RABEP2: variants seen among roughly 807,000 people sequenced by gnomAD.
RABEP2 encodes the protein rab GTPase-binding effector protein 2.
A neutral mutation model predicts 74.1 loss-of-function variants in RABEP2; 57 were observed. The ratio of observed to expected loss-of-function variants is 0.77; its 90% confidence interval spans 0.62 to 0.96. The LOEUF is 0.96. Among genes scored for constraint, RABEP2 ranks in the 40% least tolerant of loss-of-function variants. The pLI, the probability that RABEP2 is intolerant of heterozygous loss-of-function variation, is 0.00. For missense variants in RABEP2, 692 were observed against 756.3 expected (o/e 0.91, Z 1.00); for synonymous variants, 351 against 344.0 (o/e 1.02, Z -0.23).
rs193165927 is a variant in RABEP2 at position 28,906,267 on chromosome 16, C to T, written c.1246-71G>A. On this transcript the variant is annotated intron_variant, in intron 8 of 12. Coordinates refer to ENST00000358201, the MANE Select transcript of RABEP2 (RefSeq NM_024816.3). ...AGGAGGGCAGGGGCCACCAGCCAGA[C>T]GGGGATTGTCGGGAGGAACGGGGAA... 136 of 1,462,648 alleles carry T rather than the reference C, an allele frequency of 9.3e-5. No homozygotes were observed. In the Admixed American group the frequency reaches 1.4e-3, roughly 15 times the overall value. 90.6% of individuals were successfully genotyped at this position (1,462,648 alleles called of 1,614,324 possible).
Position 28,911,186 on chromosome 16 carries a change from C to A in RABEP2, c.895-7G>T. ...CCTTCTGCAGCTGTCGGCCCTGCCACAGACCCTGCCTTCAGCCTGCATCTC... is the reference window on the plus strand; with the variant it reads ...CCTTCTGCAGCTGTCGGCCCTGCCAAAGACCCTGCCTTCAGCCTGCATCTC... On this transcript the variant is annotated splice_polypyrimidine_tract_variant and splice_region_variant and intron_variant, in intron 5 of 12. Coordinates refer to ENST00000358201, the MANE Select transcript of RABEP2 (RefSeq NM_024816.3). The A allele has an allele frequency of 1.2e-6, 2 of 1,607,368 alleles. No homozygotes were observed. Among genetic ancestry groups the A allele is most frequent in the Non-Finnish European group, 1.7e-6 (2 of 1,179,648 alleles).
Position 28,923,135 on chromosome 16 carries a change from C to T in RABEP2, c.274+1268G>A, listed in dbSNP as rs115114437. Among the ~76,000 whole-genome samples, 529 of 151,920 alleles carry T rather than the reference C, an allele frequency of 3.5e-3. 3 individuals carry two copies. Among genetic ancestry groups the T allele is most frequent in the African/African-American group, 0.011 (468 of 41,418 alleles). On this transcript the variant is annotated intron_variant, in intron 2 of 12. Coordinates refer to ENST00000358201, the MANE Select transcript of RABEP2 (RefSeq NM_024816.3). Reference sequence around the variant, plus strand: ...TCAAAACATGCTACCTGGCCAGGCGCGGTGGCTCACACCTGTAATCCCAGC... The same window carrying T: ...TCAAAACATGCTACCTGGCCAGGCGTGGTGGCTCACACCTGTAATCCCAGC...
rs766728154 is a variant in RABEP2 at position 28,905,485 on chromosome 16, T to A, written c.1520A>T (p.Gln507Leu). The A allele has an allele frequency of 2.6e-4, 421 of 1,610,924 alleles. No homozygotes were observed. The highest frequency in any genetic ancestry group is 3.4e-4 in the Non-Finnish European group (406 of 1,179,300). Residue 507 changes from glutamine (Q) to leucine (L), a missense_variant, in exon 12 of 13, where the codon CAG becomes CTG. Gln to Leu is a moderately radical substitution (Grantham distance 113). Coordinates refer to ENST00000358201, the MANE Select transcript of RABEP2 (RefSeq NM_024816.3). ...KAQLPDLLSE[Q>L]RAKVLRLQAE... The stretch of plus-strand genomic sequence containing the variant: ...CTGCAGCCGCAGCACCTTGGCCCTC[T>A]GTTCTGAGAGGAGGTCTGGGAGCTG...
rs527605307 is a variant in RABEP2, at chr16:28,909,898, A to G, written c.1089+990T>C. On this transcript the variant is annotated intron_variant, in intron 7 of 12. Coordinates refer to ENST00000358201, the MANE Select transcript of RABEP2 (RefSeq NM_024816.3). ...AAAAATATTAACCGGGCGTGGTGGCAGGCACCTGTAGTCTCAGCTACTCGG... is the reference window on the plus strand; with the variant it reads ...AAAAATATTAACCGGGCGTGGTGGCGGGCACCTGTAGTCTCAGCTACTCGG... Among the ~76,000 whole-genome samples, 124 of 151,754 alleles carry G rather than the reference A, an allele frequency of 8.2e-4. 2 individuals carry two copies. The highest frequency in any genetic ancestry group is 3.3e-3 in the South Asian group (16 of 4,786).
chr16:28,905,353 C>G (rs764535568), intron 12 of RABEP2, 44 bp downstream of exon 12: 2 of 1,444,652 alleles, frequency 1.4e-6, no homozygotes, highest in South Asian at 2.4e-5. Context: ...AGAGGTCACC[C>G]GGAGTGGAGC....
intron 5 of RABEP2, 43 bp downstream of exon 5, chr16:28,914,193 A>T (rs769711584): frequency 6.8e-6 from 10 of 1,478,394 alleles, no homozygotes; most frequent in Non-Finnish European, 9.1e-6. Context: ...CATCCAGCAG[A>T]GAGGGGGATG....
At chr16:28,908,493 G>GAGTT in intron 8 of RABEP2, 116 bp downstream of exon 8, 1 of 1,127,928 alleles carries the variant, frequency 8.9e-7, no homozygotes, top group Non-Finnish European at 1.2e-6. Flanking sequence ...GAAGGCAAAT[G>GAGTT]AGTTAGCCAA....
At chr16:28,921,802 T>A (rs1252865948) in intron 2 of RABEP2, among the ~76,000 whole-genome samples, 1 of 151,554 alleles carries the variant, frequency 6.6e-6, no homozygotes, top group Non-Finnish European at 1.5e-5. Flanking sequence ...TTGTCTCTAC[T>A]GAAAACACAA....
intron 3 of RABEP2, among the ~76,000 whole-genome samples, chr16:28,916,017 T>C (rs1359706408): frequency 2.6e-5 from 4 of 152,048 alleles, no homozygotes; most frequent in Admixed American, 2.6e-4. Context: ...TTTTTTTGTA[T>C]TTTTAGTAGA....
At chr16:28,912,781 C>G (rs1194832023) in intron 5 of RABEP2, among the ~76,000 whole-genome samples, 1 of 152,090 alleles carries the variant, frequency 6.6e-6, no homozygotes, top group African/African-American at 2.4e-5. Flanking sequence ...GTGCTTCCCA[C>G]GTCTCCTAAG....
In RABEP2 at chr16:28,924,486, C is replaced by A. The variant is rs1433018997; in HGVS notation, c.191G>T (p.Ser64Ile). The A allele has an allele frequency of 6.2e-7, 1 of 1,614,092 alleles. No homozygotes were observed. Among genetic ancestry groups the A allele is most frequent in the African/African-American group, 1.3e-5 (1 of 75,060 alleles). ...CACAGCCTCGGCCTTCGTGCTCTCG[C>A]TCACCTCTGCCACAGCCTTCATGGT... The part of the protein sequence containing the change: ...METMKAVAEV[S>I]ESTKAEAVAA... The change falls in exon 2 of 13, where the codon AGC becomes ATC. Residue 64 changes from serine (S) to isoleucine (I), a missense_variant. Ser to Ile is a moderately radical substitution (Grantham distance 142). Coordinates refer to ENST00000358201, the MANE Select transcript of RABEP2 (RefSeq NM_024816.3).
chr16:28,907,860 C>T (rs934732841), intron 8 of RABEP2, among the ~76,000 whole-genome samples: 3 of 152,112 alleles, frequency 2.0e-5, no homozygotes, highest in South Asian at 4.1e-4. Context: ...AGTGCAATGG[C>T]GCGATTTCGG....
At chr16:28,912,446 T>C (rs1384372830) in intron 5 of RABEP2, among the ~76,000 whole-genome samples, 1 of 147,368 alleles carries the variant, frequency 6.8e-6, no homozygotes, top group Non-Finnish European at 1.5e-5. Flanking sequence ...TCTCACTCTG[T>C]GACCCAGGCT....
intron 5 of RABEP2, 120 bp downstream of exon 5, chr16:28,914,116 G>C (rs1964351354): frequency 1.3e-6 from 1 of 794,244 alleles, no homozygotes; most frequent in Non-Finnish European, 1.9e-6. Context: ...CAGGAGGGGG[G>C]CCTCTCTTCT....
Position 28,906,137 on chromosome 16 carries a change from C to T in RABEP2, c.1305G>A (p.Gln435=). 3 of 1,583,396 alleles carry T rather than the reference C, an allele frequency of 1.9e-6. No individual in the cohort carries two copies. The highest frequency in any genetic ancestry group is 1.8e-4 in the Middle Eastern group (1 of 5,520). Residue 435 remains glutamine, a synonymous_variant, in exon 9 of 13, where the codon CAG becomes CAA. Coordinates refer to ENST00000358201, the MANE Select transcript of RABEP2 (RefSeq NM_024816.3). The part of the protein sequence containing the change: ...RQEARARLQA[Q]EHGAERLRIE... ...TCCGCAGGCGCTCGGCCCCGTGCTCCTGGGCCTGCAGCCGGGCCCTCGCCT... is the reference window on the plus strand; with the variant it reads ...TCCGCAGGCGCTCGGCCCCGTGCTCTTGGGCCTGCAGCCGGGCCCTCGCCT...
At chr16:28,909,439 G>A (rs757882413) in intron 7 of RABEP2, among the ~76,000 whole-genome samples, 9 of 152,132 alleles carry the variant, frequency 5.9e-5, no homozygotes, top group Non-Finnish European at 1.3e-4. Context: ...CAAGCCAGGC[G>A]TGGTGCCACA....
intron 3 of RABEP2, among the ~76,000 whole-genome samples, chr16:28,918,320 G>T (rs995357370): frequency 6.6e-6 from 1 of 152,040 alleles, no homozygotes; most frequent in African/African-American, 2.4e-5. Context: ...GAACACTTTC[G>T]AACCAGCCTG....
intron 3 of RABEP2, chr16:28,917,991 A>AATGAAGTAAC (rs1964416823): frequency 6.6e-6 from 1 of 152,140 alleles, no homozygotes; most frequent in Non-Finnish European, 1.5e-5. Context: ...TATAGGATCA[A>AATGAAGTAAC]ATGAAGTAAC....
rs1964427240 is a variant in RABEP2 at position 28,918,592 on chromosome 16, G to GT, written c.432+1193dup. 3.3e-5 allele frequency among the ~76,000 whole-genome samples: 5 copies of GT among 152,042 alleles called. No individual in the cohort carries two copies. In the South Asian group the frequency reaches 1.0e-3, roughly 32 times the overall value. ...ATTGCGCCACTGTACTCCAGCCTGG[G>GT]TGACAGAGCAAGACCCTGTCTCAAT... On this transcript the variant is annotated intron_variant, in intron 3 of 12. Coordinates refer to ENST00000358201, the MANE Select transcript of RABEP2 (RefSeq NM_024816.3).
Sources: allele counts gnomAD v4.1 joint callset (sites outside exome capture counted in the v4.1 genomes callset), GRCh38; gene constraint gnomAD v4.1.1; transcripts MANE v1.5; gene names NCBI Gene and HGNC (gene_info 2026-07-23, HGNC 2026-07-21).